Variants in PPP2R5E observed in about 807,000 individuals in gnomAD.
PPP2R5E encodes the protein protein phosphatase 2 regulatory subunit B'epsilon.
A neutral mutation model predicts 65.3 loss-of-function variants in PPP2R5E; 4 were observed. The observed-to-expected ratio is 0.06, with a 90% CI of 0.03 to 0.14. The LOEUF is 0.14. Ranked by LOEUF, PPP2R5E falls within the 10% of genes least tolerant of loss-of-function variation. The pLI is 1.00. For synonymous variants in PPP2R5E, 183 were observed against 187.4 expected, an observed-to-expected ratio of 0.98 and a Z score of 0.19; for missense variants, 274 against 556.1, an observed-to-expected ratio of 0.49 and a Z score of 5.10.
intron 5 of PPP2R5E, among the ~76,000 whole-genome samples, chr14:63,410,029 G>A (rs1011423388): frequency 6.6e-6 from 1 of 152,140 alleles, no homozygotes; most frequent in African/African-American, 2.4e-5. Flanking sequence ...CTACGTCATA[G>A]TAAAATAGCT....
At chr14:63,422,170 T>G in intron 3 of PPP2R5E, 76 bp from the exon 4 acceptor site, 1 of 1,162,702 alleles carries the variant, frequency 8.6e-7, no homozygotes, top group Non-Finnish European at 1.3e-6. Context: ...GGAGCCAAGC[T>G]GAGGGGAACC....
At chr14:63,508,749 T>C (rs1892332739) in intron 2 of PPP2R5E, among the ~76,000 whole-genome samples, 1 of 152,250 alleles carries the variant, frequency 6.6e-6, no homozygotes, top group African/African-American at 2.4e-5. Flanking sequence ...ATCAGCACCC[T>C]CTTTCCACTA....
chr14:63,387,612 A>G (rs1371546649), intron 11 of PPP2R5E, among the ~76,000 whole-genome samples: 1 of 151,634 alleles, frequency 6.6e-6, no homozygotes, highest in Non-Finnish European at 1.5e-5. Flanking sequence ...ACACTTAATA[A>G]ATAAGAGCCT....
rs543482332 is a variant in PPP2R5E, at chr14:63,375,078, C to A, written c.*931G>T. The A allele has an allele frequency of 1.3e-5, 2 of 152,484 alleles. No individual in the cohort carries two copies. Among genetic ancestry groups the A allele is most frequent in the African/African-American group, 2.4e-5 (1 of 41,404 alleles). 9.4% of individuals were successfully genotyped at this position (152,484 alleles called of 1,614,324 possible). A position where few individuals can be genotyped will look rare whatever the true frequency, so the allele number is the denominator to read the frequency against. On this transcript the variant is annotated 3_prime_UTR_variant, in exon 14 of 14. Transcript: ENST00000337537. ...CCAAGCTGTTTGCTCAACTCTTTTCCCAATTAGATTTGCAATCCCGGTGAT... is the reference window on the plus strand; with the variant it reads ...CCAAGCTGTTTGCTCAACTCTTTTCACAATTAGATTTGCAATCCCGGTGAT...
chr14:63,477,875 A>C (rs8006981), intron 2 of PPP2R5E, among the ~76,000 whole-genome samples: 1 of 151,216 alleles, frequency 6.6e-6, no homozygotes, highest in Non-Finnish European at 1.5e-5. Flanking sequence ...TATATATAAA[A>C]TTTTTAAATG....
chr14:63,394,669 C>T (rs1193004718), intron 7 of PPP2R5E, among the ~76,000 whole-genome samples: 1 of 152,184 alleles, frequency 6.6e-6, no homozygotes, highest in Non-Finnish European at 1.5e-5. Context: ...GAGAGAAAGC[C>T]ATGTGACTCC....
intron 3 of PPP2R5E, among the ~76,000 whole-genome samples, chr14:63,425,001 G>A (rs913557909): frequency 7.2e-5 from 11 of 152,100 alleles, no homozygotes; most frequent in South Asian, 2.1e-4. Flanking sequence ...ACACTATTAC[G>A]ATCCCTGATT....
At chr14:63,407,811 G>A (rs1389148666) in intron 5 of PPP2R5E, among the ~76,000 whole-genome samples, 1 of 152,178 alleles carries the variant, frequency 6.6e-6, no homozygotes, top group Non-Finnish European at 1.5e-5. Flanking sequence ...ATGCCACTAT[G>A]AAAGGGGATT....
intron 5 of PPP2R5E, among the ~76,000 whole-genome samples, chr14:63,413,367 C>A (rs1442970284): frequency 1.3e-5 from 2 of 152,104 alleles, no homozygotes; most frequent in African/African-American, 4.8e-5. Context: ...ATAGGAGAAC[C>A]CTATTATTTC....
chr14:63,390,491 G>A (rs530778804), intron 10 of PPP2R5E, among the ~76,000 whole-genome samples: 8 of 152,156 alleles, frequency 5.3e-5, no homozygotes, highest in South Asian at 4.2e-4. Context: ...ACCAGTTTAC[G>A]TATTTAGCTA....
intron 2 of PPP2R5E, among the ~76,000 whole-genome samples, chr14:63,461,036 A>G (rs1889429307): frequency 6.6e-6 from 1 of 152,240 alleles, no homozygotes. Context: ...ACATGAAAAA[A>G]TATTTTAAAA....
At chr14:63,449,441 T>A (rs4899113) in intron 3 of PPP2R5E, among the ~76,000 whole-genome samples, 4,523 of 152,116 alleles carry the variant, frequency 0.03, 82 homozygotes, top group Non-Finnish European at 0.042. Context: ...AAAACTTTTA[T>A]AAATATTGTC....
At chr14:63,522,392 T>C (rs1479704415) in intron 2 of PPP2R5E, among the ~76,000 whole-genome samples, 1 of 151,106 alleles carries the variant, frequency 6.6e-6, no homozygotes, top group Non-Finnish European at 1.5e-5. Flanking sequence ...GGAGCGTCTC[T>C]GCCTGGCCGC....
intron 13 of PPP2R5E, among the ~76,000 whole-genome samples, chr14:63,380,709 A>C (rs572452031): frequency 1.3e-5 from 2 of 152,222 alleles, no homozygotes; most frequent in East Asian, 3.9e-4. Flanking sequence ...ATGGAATAAC[A>C]TATCCCATAA....
At chr14:63,421,065 A>C (rs1886993452) in intron 4 of PPP2R5E, among the ~76,000 whole-genome samples, 1 of 92,614 alleles carries the variant, frequency 1.1e-5, no homozygotes, top group African/African-American at 6.3e-5. Flanking sequence ...AAAAAAAAAA[A>C]AAAAAAAAAA....
rs1437733254 is a variant in PPP2R5E at position 63,372,223 on chromosome 14, A to C, written c.*3786T>G. 1.3e-5 allele frequency: 2 copies of C among 152,172 alleles called. No homozygotes were observed. The highest frequency in any genetic ancestry group is 2.9e-5 in the Non-Finnish European group (2 of 68,026). 9.4% of individuals were successfully genotyped at this position (152,172 alleles called of 1,614,324 possible). A position where few individuals can be genotyped will look rare whatever the true frequency, so the allele number is the denominator to read the frequency against. ...GCTATCGTGCACAAGAAGCAGCACAAATTAACATTCCGCTAGATCACAATT... is the reference window on the plus strand; with the variant it reads ...GCTATCGTGCACAAGAAGCAGCACACATTAACATTCCGCTAGATCACAATT... On this transcript the variant is annotated 3_prime_UTR_variant, in exon 14 of 14. Coordinates refer to ENST00000337537, the MANE Select transcript of PPP2R5E (RefSeq NM_006246.5).
intron 5 of PPP2R5E, among the ~76,000 whole-genome samples, chr14:63,398,905 T>A (rs946755617): frequency 2.6e-5 from 4 of 152,214 alleles, no homozygotes; most frequent in Non-Finnish European, 5.9e-5. Flanking sequence ...ACTGGAACCC[T>A]CATACATTGT....
chr14:63,397,266 C>A (rs1885450178), intron 5 of PPP2R5E, among the ~76,000 whole-genome samples: 1 of 152,154 alleles, frequency 6.6e-6, no homozygotes, highest in Non-Finnish European at 1.5e-5. Context: ...CCTGGGGAGG[C>A]CAAGGCAGGC....
chr14:63,467,638 A>C (rs976275649), intron 2 of PPP2R5E, among the ~76,000 whole-genome samples: 2 of 152,250 alleles, frequency 1.3e-5, no homozygotes, highest in Admixed American at 1.3e-4. Context: ...AAAGTCTGTC[A>C]GTTATAATTC....
Sources: allele counts gnomAD v4.1 joint callset (sites outside exome capture counted in the v4.1 genomes callset), GRCh38; gene constraint gnomAD v4.1.1; transcripts MANE v1.5; gene names NCBI Gene and HGNC (gene_info 2026-07-23, HGNC 2026-07-21).